Variants in DENND4A observed in about 807,000 individuals in gnomAD.
DENND4A encodes the protein C-myc promoter-binding protein.
DENND4A carries 70 observed loss-of-function variants against 199.3 expected under a neutral mutation model. The ratio of observed to expected loss-of-function variants is 0.35; its 90% CI spans 0.29 to 0.43. The LOEUF is 0.43. Ranked by LOEUF, DENND4A falls within the 20% of genes least tolerant of loss-of-function variation. The probability of loss-of-function intolerance (pLI) is 1.00; values close to 1 mark genes in which losing one functional copy is unlikely to be tolerated. For missense variants in DENND4A, 1,723 were observed against 2,255.8 expected (o/e 0.76, Z 4.78); for synonymous variants, 686 against 766.9 (o/e 0.89, Z 1.74).
At chr15:65,686,745 A>G (rs554722373) in intron 23 of DENND4A, among the ~76,000 whole-genome samples, 1 of 152,226 alleles carries the variant, frequency 6.6e-6, no homozygotes, top group African/African-American at 2.4e-5. Flanking sequence ...GTTGGAGTGC[A>G]GTGGCACAAT....
chr15:65,712,088 T>C (rs1238645989), intron 14 of DENND4A, among the ~76,000 whole-genome samples: 1 of 152,240 alleles, frequency 6.6e-6, no homozygotes. Flanking sequence ...TAATGGCATG[T>C]ATCCATCTTT....
At chr15:65,711,796 T>G (rs978083066) in intron 14 of DENND4A, among the ~76,000 whole-genome samples, 5 of 152,208 alleles carry the variant, frequency 3.3e-5, no homozygotes, top group African/African-American at 1.2e-4. Context: ...TAGCATATTA[T>G]TCCACACACA....
intron 1 of DENND4A, among the ~76,000 whole-genome samples, chr15:65,762,001 T>C (rs1362462383): frequency 6.6e-6 from 1 of 152,180 alleles, no homozygotes; most frequent in African/African-American, 2.4e-5. Flanking sequence ...ATGTTTTTTG[T>C]TGTTGTTATT....
At position 65,685,090 on chromosome 15, in the gene DENND4A, G is replaced by A. The variant is rs375289541; in HGVS notation, c.4179+5325C>T. On this transcript the variant is annotated intron_variant, in intron 23 of 32. Transcript: ENST00000443035. ...GATCTGCCCGCCTCAGCCTCCCAAA[G>A]TTCTCAGATTACAGGCATGAGCCAC... is the stretch of plus-strand genomic sequence containing the variant. 1.3e-4 allele frequency among the ~76,000 whole-genome samples: 20 copies of A among 151,154 alleles called. No homozygotes were observed. The South Asian group carries it at 2.7e-3, about 21-fold the overall frequency.
chr15:65,714,350 T>G lies in DENND4A; in HGVS notation c.1953+1128A>C, dbSNP rs1329511884. Among the ~76,000 whole-genome samples, 7 of 151,802 alleles carry G rather than the reference T, an allele frequency of 4.6e-5. No individual in the cohort carries two copies. In the South Asian group the frequency reaches 1.5e-3, roughly 32 times the overall value. On this transcript the variant is annotated intron_variant, in intron 14 of 32. Transcript: ENST00000443035. ...ATGGTGTGAACCTGGGAGGCGGAGCTTGCAGTGAGCCAGGATCGCGCCACT... is the reference window on the plus strand; with the variant it reads ...ATGGTGTGAACCTGGGAGGCGGAGCGTGCAGTGAGCCAGGATCGCGCCACT...
Position 65,667,525 on chromosome 15 carries a change from T to C in DENND4A, c.5165A>G (p.Tyr1722Cys), listed in dbSNP as rs2076081542. The C allele has an allele frequency of 6.2e-7, 1 of 1,613,974 alleles. No individual in the cohort carries two copies. Among genetic ancestry groups the C allele is most frequent in the South Asian group, 1.1e-5 (1 of 91,086 alleles). Residue 1722 changes from tyrosine to cysteine, a missense_variant, in exon 29 of 33, where the codon TAT becomes TGT. Around this residue, in one of 6 missense-constraint regions of DENND4A, gnomAD observed 164 missense variants for 280.1 expected, o/e 0.59. Coordinates refer to ENST00000443035, the MANE Select transcript of DENND4A (RefSeq NM_001320835.1). ...ACTGGGCAAGTCAAGACGTCTGAAA[T>C]ACCATACCAGGTTCCAAAAAACAAT... The part of the protein sequence containing the change: ...HPIVFWNLVW[Y>C]FRRLDLPSNL...
chr15:65,722,492 A>T (rs2075678428), intron 12 of DENND4A, among the ~76,000 whole-genome samples: 1 of 152,144 alleles, frequency 6.6e-6, no homozygotes, highest in Non-Finnish European at 1.5e-5. Context: ...AACAATATAA[A>T]GGTGGAACCC....
At chr15:65,744,530 T>C (rs28599929) in intron 4 of DENND4A, among the ~76,000 whole-genome samples, 85,116 of 151,880 alleles carry the variant, frequency 0.56, 26,277 homozygotes, top group African/African-American at 0.82. Flanking sequence ...ATTTTACATA[T>C]AATAACAAGG....
intron 12 of DENND4A, 68 bp downstream of exon 12, chr15:65,722,780 G>T: frequency 1.7e-6 from 2 of 1,200,594 alleles, no homozygotes; most frequent in Non-Finnish European, 2.2e-6. Context: ...TCTTTTATAA[G>T]TAAGGCAAAG....
intron 24 of DENND4A, among the ~76,000 whole-genome samples, chr15:65,674,187 G>C (rs1164880990): frequency 1.3e-5 from 2 of 152,010 alleles, no homozygotes; most frequent in African/African-American, 4.8e-5. Context: ...ATGAAAATTT[G>C]AAACTAAATA....
At chr15:65,774,867 A>AC (rs1491083854) in intron 1 of DENND4A, among the ~76,000 whole-genome samples, 1 of 115,924 alleles carries the variant, frequency 8.6e-6, no homozygotes, top group Non-Finnish European at 1.7e-5. Context: ...ACAAATGTTT[A>AC]CTTTTTTTTT....
chr15:65,761,909 T>C (rs2076859737), intron 1 of DENND4A, among the ~76,000 whole-genome samples: 1 of 152,160 alleles, frequency 6.6e-6, no homozygotes, highest in African/African-American at 2.4e-5. Context: ...CAAAAGTACT[T>C]TCCCTTTATT....
intron 30 of DENND4A, chr15:65,665,035 T>C (rs2141836760): frequency 2.2e-6 from 1 of 458,330 alleles, no homozygotes; most frequent in South Asian, 6.1e-5. Flanking sequence ...AAAGAAGAAA[T>C]TGGGATGAGC....
rs775883459 is a variant in DENND4A at position 65,701,898 on chromosome 15, A to T, written c.2431-8T>A. ...AAGAATGCGGTAGCATACCTGAAATACAAGTTCAAAATTGTACCGAAACAC... is the reference window on the plus strand; with the variant it reads ...AAGAATGCGGTAGCATACCTGAAATTCAAGTTCAAAATTGTACCGAAACAC... On this transcript the variant is annotated splice_polypyrimidine_tract_variant and splice_region_variant and intron_variant, in intron 17 of 32. Coordinates refer to ENST00000443035, the MANE Select transcript of DENND4A (RefSeq NM_001320835.1). 6.2e-6 allele frequency: 10 copies of T among 1,613,546 alleles called. No individual in the cohort carries two copies. The highest frequency in any genetic ancestry group is 7.6e-6 in the Non-Finnish European group (9 of 1,179,706).
intron 23 of DENND4A, among the ~76,000 whole-genome samples, chr15:65,678,261 T>A (rs947110667): frequency 6.6e-5 from 10 of 152,220 alleles, no homozygotes; most frequent in African/African-American, 2.4e-4. Context: ...TTCTTGATTA[T>A]TCTCATGTAT....
intron 5 of DENND4A, among the ~76,000 whole-genome samples, chr15:65,739,643 ATAAGTGGT>A (rs2076203415): frequency 6.6e-6 from 1 of 152,354 alleles, no homozygotes; most frequent in East Asian, 1.9e-4. Context: ...CTGGGGGAAT[ATAAGTGGT>A]TGTTGGTTCT....
intron 4 of DENND4A, among the ~76,000 whole-genome samples, chr15:65,748,145 C>T (rs560184537): frequency 3.6e-5 from 5 of 140,336 alleles, no homozygotes; most frequent in Non-Finnish European, 6.2e-5. Flanking sequence ...AAAAACTTAA[C>T]ACATGTTGAA....
intron 1 of DENND4A, among the ~76,000 whole-genome samples, chr15:65,774,831 A>T (rs116272420): frequency 6.6e-6 from 1 of 151,456 alleles, no homozygotes; most frequent in Non-Finnish European, 1.5e-5. Context: ...TTTTAAAAAA[A>T]AATTTTGTGG....
intron 20 of DENND4A, among the ~76,000 whole-genome samples, chr15:65,699,942 T>C (rs1270063623): frequency 1.3e-5 from 2 of 151,914 alleles, no homozygotes; most frequent in African/African-American, 4.8e-5. Flanking sequence ...CTTCCCAAGG[T>C]GCTGGGATTA....
Sources: gnomAD v4.1 joint callset for allele counts (sites outside exome capture counted in the v4.1 genomes callset) on GRCh38, gnomAD v4.1.1 for gene constraint, gnomAD v4.1.1 regional missense constraint, MANE v1.5 for transcripts, NCBI Gene and HGNC (gene_info 2026-07-23, HGNC 2026-07-21) for gene names.